ATPAF2: variants seen among roughly 807,000 people sequenced by gnomAD.
ATPAF2 encodes ATP12 homolog.
Under a neutral mutation model 36.6 loss-of-function variants are expected in ATPAF2, and 30 were observed. The ratio of observed to expected loss-of-function variants is 0.82; its 90% CI spans 0.61 to 1.11. The LOEUF is 1.11. Ranked by LOEUF, ATPAF2 falls within the 50% of genes most tolerant of loss-of-function variation. The pLI is 0.00. For synonymous variants in ATPAF2, 140 were observed against 152.6 expected, an observed-to-expected ratio of 0.92 and a Z score of 0.61; for missense variants, 321 against 372.3, an observed-to-expected ratio of 0.86 and a Z score of 1.13.
At chr17:18,038,456 T>C (rs186093614) in intron 1 of ATPAF2, among the ~76,000 whole-genome samples, 1 of 152,324 alleles carries the variant, frequency 6.6e-6, no homozygotes, top group East Asian at 1.9e-4. Context: ...GCCCAGGTTC[T>C]AGGTCCCTTC....
intron 6 of ATPAF2, 110 bp downstream of exon 6, chr17:18,021,635 A>G: frequency 1.0e-6 from 1 of 967,946 alleles, no homozygotes; most frequent in Non-Finnish European, 1.7e-6. Flanking sequence ...GCTAGCCCAG[A>G]ACACTCTGTG....
At chr17:18,038,576 A>C (rs1417899405) in intron 1 of ATPAF2, among the ~76,000 whole-genome samples, 1 of 152,234 alleles carries the variant, frequency 6.6e-6, no homozygotes, top group African/African-American at 2.4e-5. Context: ...TTCAGAGCCC[A>C]AACTTCCCCT....
chr17:18,028,257 G>T lies in ATPAF2; in HGVS notation c.299C>A (p.Thr100Asn), dbSNP rs200166217. The T allele has an allele frequency of 2.6e-5, 42 of 1,614,040 alleles. No individual in the cohort carries two copies. In the Admixed American group the frequency reaches 7.0e-4, roughly 27 times the overall value. ...VATEWDSQQD[T>N]IKYYTMHLTT... Reference sequence around the variant, plus strand: ...CAGGTGCATGGTGTAGTACTTGATGGTATCCTGCTGGGAATCCCACTCAGT... The same window carrying T: ...CAGGTGCATGGTGTAGTACTTGATGTTATCCTGCTGGGAATCCCACTCAGT... The change falls in exon 3 of 8, where the codon ACC becomes AAC. Residue 100 changes from threonine (T) to asparagine (N), a missense_variant. Physicochemically the swap from Thr to Asn is moderately conservative, Grantham distance 65 (BLOSUM62 0). This residue lies in a region of ATPAF2 where 53 missense variants were observed against 91.6 expected (regional missense o/e 0.58). Transcript: ENST00000474627.
chr17:18,036,235 A>G (rs1173803182), intron 1 of ATPAF2, among the ~76,000 whole-genome samples: 1 of 152,138 alleles, frequency 6.6e-6, no homozygotes, highest in Non-Finnish European at 1.5e-5. Context: ...TACTACTTCA[A>G]ATACGCACAA....
At position 18,018,468 on chromosome 17, in the gene ATPAF2, C is replaced by G; in HGVS notation, c.*81G>C. The G allele has an allele frequency of 6.3e-7, 1 of 1,595,476 alleles. No homozygotes were observed. Among genetic ancestry groups the G allele is most frequent in the Non-Finnish European group, 8.5e-7 (1 of 1,173,788 alleles). On this transcript the variant is annotated 3_prime_UTR_variant, in exon 8 of 8. Transcript: ENST00000474627. ...GTCCCCAAAAGCCAAGGAAGCCAGC[C>G]CCACAGGCTGGGGAGCCCTGAAGGC...
chr17:18,024,659 A>T lies in ATPAF2; in HGVS notation c.468T>A (p.Asn156Lys), dbSNP rs1360447261. The T allele has an allele frequency of 1.2e-6, 2 of 1,614,060 alleles. No individual in the cohort carries two copies. Among genetic ancestry groups the T allele is most frequent in the African/African-American group, 2.7e-5 (2 of 74,934 alleles). ...CCCATTCGATGATTGGATCCCACTC[A>T]TTCCTTTGAAGTTCCACTAATGTCT... ...EPETLVELQR[N>K]EWDPIIEWAE... Residue 156 changes from asparagine (N) to lysine (K), a missense_variant, in exon 5 of 8, where the codon AAT (asparagine) becomes AAA (lysine). Transcript: ENST00000474627.
chr17:18,034,560 C>T (rs995136171), intron 1 of ATPAF2, among the ~76,000 whole-genome samples: 3 of 152,166 alleles, frequency 2.0e-5, no homozygotes, highest in Non-Finnish European at 4.4e-5. Context: ...CCCTTTAGGA[C>T]AGCTGTAATA....
At chr17:18,029,032 T>A (rs1461087612) in intron 1 of ATPAF2, among the ~76,000 whole-genome samples, 2 of 152,114 alleles carry the variant, frequency 1.3e-5, no homozygotes, top group Non-Finnish European at 2.9e-5. Context: ...GGGACAAAGC[T>A]AGAGACCCAT....
intron 1 of ATPAF2, among the ~76,000 whole-genome samples, chr17:18,033,904 G>A (rs1168391306): frequency 2.6e-5 from 4 of 151,840 alleles, no homozygotes; most frequent in South Asian, 4.2e-4. Flanking sequence ...TGGATCACTT[G>A]AGTCCAAGAG....
chr17:18,021,969 A>C, intron 5 of ATPAF2, 112 bp from the exon 6 acceptor site: 1 of 935,750 alleles, frequency 1.1e-6, no homozygotes, highest in East Asian at 2.5e-5. Context: ...GCATTGGCCA[A>C]GGAGCTAGTC....
chr17:18,029,065 C>T (rs542408814), intron 1 of ATPAF2, among the ~76,000 whole-genome samples: 2 of 152,182 alleles, frequency 1.3e-5, no homozygotes, highest in Admixed American at 1.3e-4. Context: ...TCTGATGCCT[C>T]TAAGGAGTGA....
Position 18,028,570 on chromosome 17 carries a change from C to CAAAAAAAAAAA in ATPAF2, c.178+34_178+44dup. 12 of 1,350,104 alleles carry CAAAAAAAAAAA rather than the reference C, an allele frequency of 8.9e-6. 1 individual carries two copies. Among genetic ancestry groups the CAAAAAAAAAAA allele is most frequent in the Admixed American group, 6.5e-5 (3 of 45,824 alleles). 83.6% of individuals were successfully genotyped at this position (1,350,104 alleles called of 1,614,324 possible). A position where few individuals can be genotyped will look rare whatever the true frequency, so the allele number is the denominator to read the frequency against. On this transcript the variant is annotated intron_variant, in intron 2 of 7. Transcript: ENST00000474627. ...GATGAAAAATGTTCCCAACCATTCACAAAAAAAAAAAAAAAAAGAGGCAGT... is the reference window on the plus strand; with the variant it reads ...GATGAAAAATGTTCCCAACCATTCACAAAAAAAAAAAAAAAAAAAAAAAAAAAAGAGGCAGT...
chr17:18,038,850 C>T, intron 1 of ATPAF2, 31 bp downstream of exon 1: 2 of 1,612,584 alleles, frequency 1.2e-6, no homozygotes, highest in African/African-American at 1.3e-5. Flanking sequence ...CCAGCTCGGC[C>T]CCAACCCAAA....
intron 5 of ATPAF2, 98 bp from the exon 6 acceptor site, chr17:18,021,955 G>T: frequency 9.6e-7 from 1 of 1,045,026 alleles, no homozygotes; most frequent in Non-Finnish European, 1.5e-6. Context: ...CAGAGCATGT[G>T]TGTGCATTGG....
chr17:18,038,987 CCG>C lies in ATPAF2; in HGVS notation c.25_26del (p.Arg9GlyfsTer50). On this transcript the variant is annotated frameshift_variant, in exon 1 of 8. Transcript: ENST00000474627. LOFTEE classifies it high-confidence loss of function. MWRSCLRL[R>X]DGGRRLLNRP... ...GATTCAGGAGACGGCGTCCCCCGTC[CCG>C]CAGCCGGAGGCAGCTCCTCCACATC... 4.3e-6 allele frequency: 7 copies of C among 1,611,358 alleles called. No individual in the cohort carries two copies. The highest frequency in any genetic ancestry group is 5.9e-6 in the Non-Finnish European group (7 of 1,178,806).
At position 18,018,244 on chromosome 17, in the gene ATPAF2, A is replaced by G; in HGVS notation, c.*305T>C. ...ATGGAGAAGTGCAGAGGCATACGTG[A>G]AAACAGGGCTCAGCACATTTCCAGG... On this transcript the variant is annotated 3_prime_UTR_variant, in exon 8 of 8. Transcript: ENST00000474627. 1 of 437,704 alleles carries G rather than the reference A, an allele frequency of 2.3e-6. No homozygotes were observed. The highest frequency in any genetic ancestry group is 2.1e-5 in the South Asian group (1 of 47,414). 27.1% of individuals were successfully genotyped at this position (437,704 alleles called of 1,614,324 possible). A position where few individuals can be genotyped will look rare whatever the true frequency, so the allele number is the denominator to read the frequency against.
In ATPAF2 at chr17:18,020,221, T is replaced by TA. The variant is rs1454473084; in HGVS notation, c.732+901dup. Among the ~76,000 whole-genome samples the TA allele has an allele frequency of 3.9e-5, 6 of 152,264 alleles. No homozygotes were observed. The East Asian group carries it at 1.2e-3, about 29-fold the overall frequency. On this transcript the variant is annotated intron_variant, in intron 7 of 7. Coordinates refer to ENST00000474627, the MANE Select transcript of ATPAF2 (RefSeq NM_145691.4). The stretch of plus-strand genomic sequence containing the variant: ...CAAAGATGGCTATAATTTTCAGAGT[T>TA]AAAAAATGCAAACCATACTGTGGCA...
downstream of ATPAF2, chr17:18,015,161 C>G (rs147971814): frequency 6.6e-6 from 1 of 152,308 alleles, no homozygotes; most frequent in African/African-American, 2.4e-5. Context: ...GCTGGCTTTC[C>G]CAAATGTATT....
At chr17:18,031,458 A>G (rs2044633504) in intron 1 of ATPAF2, among the ~76,000 whole-genome samples, 1 of 152,098 alleles carries the variant, frequency 6.6e-6, no homozygotes, top group African/African-American at 2.4e-5. Flanking sequence ...CACTTGGGAT[A>G]CAAGAGTGAA....
Sources: gnomAD v4.1 joint callset for allele counts (sites outside exome capture counted in the v4.1 genomes callset) on GRCh38, gnomAD v4.1.1 for gene constraint, gnomAD v4.1.1 regional missense constraint, MANE v1.5 for transcripts, NCBI Gene and HGNC (gene_info 2026-07-23, HGNC 2026-07-21) for gene names.